Variants in TMEM178A observed in about 807,000 individuals in gnomAD.
TMEM178A encodes transmembrane protein 178A, also known as transmembrane protein 178.
Under a neutral mutation model 29.1 loss-of-function variants are expected in TMEM178A, and 12 were observed. The ratio of observed to expected loss-of-function variants is 0.41; its 90% CI spans 0.26 to 0.67. The LOEUF is 0.67. TMEM178A is among the 30% of genes least tolerant of loss of function. TMEM178A has a pLI of 0.29. For synonymous variants in TMEM178A, 210 were observed against 187.2 expected (o/e 1.12, Z -0.99); for missense variants, 366 against 419.1 (o/e 0.87, Z 1.11).
Position 39,717,271 on chromosome 2 carries a change from C to T in TMEM178A, c.*20C>T. 6.2e-7 allele frequency: 1 copy of T among 1,611,506 alleles called. No individual in the cohort carries two copies. The highest frequency in any genetic ancestry group is 8.5e-7 in the Non-Finnish European group (1 of 1,178,746). Reference sequence around the variant, plus strand: ...GTATGACTGTCCTCACTGGGCCTGTCCACAGTGCGAGCGACTCCTGAGGGG... The same window carrying T: ...GTATGACTGTCCTCACTGGGCCTGTTCACAGTGCGAGCGACTCCTGAGGGG... On this transcript the variant is annotated 3_prime_UTR_variant, in exon 4 of 4. Coordinates refer to ENST00000281961, the MANE Select transcript of TMEM178A (RefSeq NM_152390.3).
chr2:39,666,675 T>G (rs1177076659), intron 1 of TMEM178A, among the ~76,000 whole-genome samples: 1 of 152,094 alleles, frequency 6.6e-6, no homozygotes, highest in Non-Finnish European at 1.5e-5. Flanking sequence ...TCCCCGGTTC[T>G]CTCTCTCTCC....
the TMEM178A span, among the ~76,000 whole-genome samples, chr2:39,724,993 C>G: frequency 6.6e-6 from 1 of 152,172 alleles, no homozygotes; most frequent in Non-Finnish European, 1.5e-5. Context: ...GAAAGGTAAT[C>G]TGGGGGAGAT....
chr2:39,666,257 G>A lies in TMEM178A; in HGVS notation c.283G>A (p.Gly95Arg), dbSNP rs1423367520. ...ADPESWRSLL[G>R]LGGLDAECGR... ...CCCCGAGTCCTGGCGCTCGCTCCTG[G>A]GGCTCGGCGGGCTGGACGCCGAGTG... Residue 95 changes from glycine (G) to arginine (R), a missense_variant, in exon 1 of 4, where the codon GGG becomes AGG. Gly to Arg is a moderately radical substitution (Grantham distance 125). This residue lies in a region of TMEM178A where 247 missense variants were observed against 246.8 expected (regional missense o/e 1.00). Coordinates refer to ENST00000281961, the MANE Select transcript of TMEM178A (RefSeq NM_152390.3). 2.9e-6 allele frequency: 4 copies of A among 1,381,238 alleles called. No individual in the cohort carries two copies. The highest frequency in any genetic ancestry group is 6.4e-5 in the East Asian group (2 of 31,376). 85.6% of individuals were successfully genotyped at this position (1,381,238 alleles called of 1,614,324 possible).
In TMEM178A at chr2:39,712,389, G is replaced by T. The variant is rs1672349533; in HGVS notation, c.653-4621G>T. On this transcript the variant is annotated intron_variant, in intron 3 of 3. Transcript: ENST00000281961. ...CCGTTACCCTAATTACATCTTACCA[G>T]CCGGCATCATGAAGATTTTAGGGTA... Among the ~76,000 whole-genome samples, 3 of 152,084 alleles carry T rather than the reference G, an allele frequency of 2.0e-5. No homozygotes were observed. In the South Asian group the frequency reaches 6.2e-4, roughly 32 times the overall value.
Position 39,683,487 on chromosome 2 carries a change from C to T in TMEM178A, c.400+17113C>T, listed in dbSNP as rs562263190. Among the ~76,000 whole-genome samples the T allele has an allele frequency of 8.5e-5, 13 of 152,252 alleles. No homozygotes were observed. The East Asian group carries it at 2.1e-3, about 25-fold the overall frequency. On this transcript the variant is annotated intron_variant, in intron 1 of 3. Transcript: ENST00000281961. ...CCCTGCAATCGGATCTGGTGCTGTT[C>T]CAGGACACAGCTTCCCTGTCCAGGA...
intron 1 of TMEM178A, 97 bp from the exon 2 acceptor site, chr2:39,703,984 C>T: frequency 2.4e-6 from 2 of 839,410 alleles, no homozygotes; most frequent in South Asian, 1.7e-5. Context: ...TCCCATCTCC[C>T]ATTCAACCCA....
intron 3 of TMEM178A, among the ~76,000 whole-genome samples, chr2:39,714,994 T>C (rs1251945595): frequency 6.6e-6 from 1 of 152,202 alleles, no homozygotes; most frequent in Non-Finnish European, 1.5e-5. Flanking sequence ...AGTAATCAAG[T>C]TTCCCACTCT....
At chr2:39,668,660 T>C (rs185690174) in intron 1 of TMEM178A, among the ~76,000 whole-genome samples, 1 of 151,982 alleles carries the variant, frequency 6.6e-6, no homozygotes, top group African/African-American at 2.4e-5. Flanking sequence ...CAATGAGGAG[T>C]TTGGAGGAAA....
At position 39,666,356 on chromosome 2, in the gene TMEM178A, G is replaced by C; in HGVS notation, c.382G>C (p.Asp128His). ...CTTCCTGGGCATCGACCGGGACATC[G>C]ACACCCTCATCCTGAAAGGTGAGCG... ...CYFLGIDRDIDTLILKGIAQR... is the reference protein window; with the variant it reads ...CYFLGIDRDIHTLILKGIAQR... Residue 128 changes from aspartate to histidine, a missense_variant, in exon 1 of 4, where the codon GAC becomes CAC. Asp to His is a moderately conservative substitution (Grantham distance 81). Around this residue, in one of 2 missense-constraint regions of TMEM178A, gnomAD observed 247 missense variants for 246.8 expected, o/e 1.00. Transcript: ENST00000281961. 7.0e-7 allele frequency: 1 copy of C among 1,436,738 alleles called. No homozygotes were observed. Among genetic ancestry groups the C allele is most frequent in the Non-Finnish European group, 9.1e-7 (1 of 1,093,054 alleles). 89.0% of individuals were successfully genotyped at this position (1,436,738 alleles called of 1,614,324 possible).
chr2:39,703,082 G>A (rs975262222), intron 1 of TMEM178A, among the ~76,000 whole-genome samples: 1 of 152,022 alleles, frequency 6.6e-6, no homozygotes, highest in African/African-American at 2.4e-5. Flanking sequence ...ACCTTTATAT[G>A]CACTCAGATT....
At chr2:39,666,617 GCCGCACCTC>G (rs1161295644) in intron 1 of TMEM178A, among the ~76,000 whole-genome samples, 3 of 152,056 alleles carry the variant, frequency 2.0e-5, no homozygotes, top group Admixed American at 6.5e-5. Flanking sequence ...TCAAGTCCGT[GCCGCACCTC>G]CCGCCTCTGT....
chr2:39,674,683 A>T (rs574049263), intron 1 of TMEM178A, among the ~76,000 whole-genome samples: 2 of 152,302 alleles, frequency 1.3e-5, no homozygotes, highest in African/African-American at 4.8e-5. Flanking sequence ...AAAAAAAATT[A>T]AAAAAATTTG....
intron 1 of TMEM178A, among the ~76,000 whole-genome samples, chr2:39,688,994 G>C (rs190457354): frequency 6.6e-6 from 1 of 152,282 alleles, no homozygotes; most frequent in African/African-American, 2.4e-5. Flanking sequence ...TCTGAGCAGA[G>C]CTATTGCCCT....
chr2:39,729,671 C>T, the TMEM178A span, among the ~76,000 whole-genome samples: 3 of 152,296 alleles, frequency 2.0e-5, no homozygotes, highest in East Asian at 5.8e-4. Flanking sequence ...TGGGTGGCTT[C>T]CATTCCTCCT....
downstream of TMEM178A, among the ~76,000 whole-genome samples, chr2:39,718,641 A>G (rs909797737): frequency 3.9e-5 from 6 of 152,066 alleles, no homozygotes; most frequent in Non-Finnish European, 5.9e-5. Flanking sequence ...CTGTTATTTT[A>G]TGTTACTCAT....
intron 1 of TMEM178A, among the ~76,000 whole-genome samples, chr2:39,668,486 C>G (rs1331005990): frequency 6.6e-6 from 1 of 152,162 alleles, no homozygotes; most frequent in Non-Finnish European, 1.5e-5. Flanking sequence ...AGTGTGTTCT[C>G]CAAGTATCAA....
At chr2:39,676,501 C>T (rs1670629416) in intron 1 of TMEM178A, among the ~76,000 whole-genome samples, 1 of 152,150 alleles carries the variant, frequency 6.6e-6, no homozygotes, top group Non-Finnish European at 1.5e-5. Flanking sequence ...TCCCAGAAGG[C>T]GTCCTGCAGA....
At chr2:39,684,401 A>G (rs1373074413) in intron 1 of TMEM178A, among the ~76,000 whole-genome samples, 4 of 152,164 alleles carry the variant, frequency 2.6e-5, no homozygotes, top group Non-Finnish European at 4.4e-5. Flanking sequence ...CTGTTAAAAG[A>G]TTTGTTTTCA....
At chr2:39,692,794 C>T (rs1241447078) in intron 1 of TMEM178A, among the ~76,000 whole-genome samples, 1 of 152,184 alleles carries the variant, frequency 6.6e-6, no homozygotes, top group African/African-American at 2.4e-5. Context: ...AATATACGCT[C>T]AGAGTAGTCA....
Sources: gnomAD v4.1 joint callset for allele counts (sites outside exome capture counted in the v4.1 genomes callset) on GRCh38, gnomAD v4.1.1 for gene constraint, gnomAD v4.1.1 regional missense constraint, MANE v1.5 for transcripts, NCBI Gene and HGNC (gene_info 2026-07-23, HGNC 2026-07-21) for gene names.